The following SH3BGRL2 variants were observed in gnomAD, a reference collection of about 807,000 sequenced individuals.
The protein encoded by SH3BGRL2 is SH3 domain binding glutamate rich protein like 2.
In SH3BGRL2, 21 loss-of-function variants were observed where a neutral mutation model predicts 14.8. That is an observed-to-expected ratio of 1.42 (90% CI 1.01 to 2.05). The LOEUF is 2.05. SH3BGRL2 is among the 30% of genes most tolerant of loss of function. The pLI, the probability that SH3BGRL2 is intolerant of heterozygous loss-of-function variation, is 0.00. For synonymous variants in SH3BGRL2, 50 were observed against 47.8 expected, an observed-to-expected ratio of 1.05 and a Z score of -0.19; for missense variants, 147 against 130.8, an observed-to-expected ratio of 1.12 and a Z score of -0.61.
intron 1 of SH3BGRL2, among the ~76,000 whole-genome samples, chr6:79,652,052 C>G (rs912921134): frequency 2.0e-5 from 3 of 152,168 alleles, no homozygotes; most frequent in Admixed American, 2.0e-4. Context: ...AAATGTCCCC[C>G]AGGAGGGCAA....
Position 79,673,708 on chromosome 6 carries a change from A to C in SH3BGRL2, c.140A>C (p.Gln47Pro). The stretch of plus-strand genomic sequence containing the variant: ...ATCACAATGTCAGAAGAACAGAGGC[A>C]ATGGATGTACAAAAACGTCCCCCCG... Reference protein sequence around the residue: ...VDITMSEEQRQWMYKNVPPEK... With the variant: ...VDITMSEEQRPWMYKNVPPEK... The change falls in exon 2 of 4, where the codon CAA becomes CCA. Residue 47 changes from glutamine (Q) to proline (P), a missense_variant. Gln to Pro is a moderately conservative substitution (Grantham distance 76). Coordinates refer to ENST00000369838, the MANE Select transcript of SH3BGRL2 (RefSeq NM_031469.4). 3 of 1,614,192 alleles carry C rather than the reference A, an allele frequency of 1.9e-6. No individual in the cohort carries two copies. In the South Asian group the frequency reaches 3.3e-5, roughly 18 times the overall value.
rs1769978801 is a variant in SH3BGRL2 at position 79,681,057 on chromosome 6, A to AT, written c.231+7258_231+7259insT. Among the ~76,000 whole-genome samples the AT allele has an allele frequency of 2.0e-5, 3 of 152,164 alleles. No individual in the cohort carries two copies. The South Asian group carries it at 6.2e-4, about 32-fold the overall frequency. On this transcript the variant is annotated intron_variant, in intron 2 of 3. Coordinates refer to ENST00000369838, the MANE Select transcript of SH3BGRL2 (RefSeq NM_031469.4). ...GTGGATTAACCCTCAAGGAGAAAAA[A>AT]CACAGTGGCTAATCAGATAGTCAAG...
chr6:79,662,855 T>C (rs1769581231), intron 1 of SH3BGRL2, among the ~76,000 whole-genome samples: 1 of 152,230 alleles, frequency 6.6e-6, no homozygotes, highest in African/African-American at 2.4e-5. Context: ...CTTTCTACTC[T>C]TTTTTGTCTA....
At chr6:79,623,478 C>G in the SH3BGRL2 span, among the ~76,000 whole-genome samples, 1 of 152,154 alleles carries the variant, frequency 6.6e-6, no homozygotes, top group African/African-American at 2.4e-5. Flanking sequence ...CAGTTTAAAT[C>G]TATTTCCATT....
At chr6:79,626,636 C>A (rs912530881), upstream of SH3BGRL2, among the ~76,000 whole-genome samples, 5 of 152,172 alleles carry the variant, frequency 3.3e-5, no homozygotes, top group African/African-American at 1.2e-4. Flanking sequence ...GAGAGAGAAA[C>A]CTGGATGCCC....
chr6:79,649,981 T>TCACA (rs750538104), intron 1 of SH3BGRL2, among the ~76,000 whole-genome samples: 86 of 91,868 alleles, frequency 9.4e-4, no homozygotes, highest in South Asian at 1.5e-3. Context: ...TCTCTCTCTC[T>TCACA]CTCTCACACA....
chr6:79,662,644 G>A (rs1769576128), intron 1 of SH3BGRL2, among the ~76,000 whole-genome samples: 1 of 152,098 alleles, frequency 6.6e-6, no homozygotes, highest in Non-Finnish European at 1.5e-5. Context: ...CTCTTCTCGG[G>A]AGTATCTTTG....
chr6:79,643,978 G>C (rs1769080578), intron 1 of SH3BGRL2, among the ~76,000 whole-genome samples: 1 of 152,170 alleles, frequency 6.6e-6, no homozygotes, highest in South Asian at 2.1e-4. Flanking sequence ...TTCGATGGGA[G>C]GGCAATAGGT....
intron 3 of SH3BGRL2, among the ~76,000 whole-genome samples, chr6:79,698,387 CAG>C (rs1770375723): frequency 6.6e-6 from 1 of 152,198 alleles, no homozygotes; most frequent in East Asian, 1.9e-4. Context: ...AAGGCTTTGA[CAG>C]AGTGTTCACA....
rs538720282 is a variant in SH3BGRL2, at chr6:79,671,304, T to C, written c.46-2310T>C. On this transcript the variant is annotated intron_variant, in intron 1 of 3. Coordinates refer to ENST00000369838, the MANE Select transcript of SH3BGRL2 (RefSeq NM_031469.4). Reference sequence around the variant, plus strand: ...CAACGTGGAGAAACCCCATCTCTACTGAAAATACAAAAATTAGCCAGGCGT... The same window carrying C: ...CAACGTGGAGAAACCCCATCTCTACCGAAAATACAAAAATTAGCCAGGCGT... 4.1e-4 allele frequency among the ~76,000 whole-genome samples: 62 copies of C among 152,162 alleles called. 1 individual carries two copies. Among genetic ancestry groups the C allele is most frequent in the Admixed American group, 3.3e-3 (51 of 15,256 alleles).
the SH3BGRL2 span, among the ~76,000 whole-genome samples, chr6:79,549,041 G>A: frequency 6.6e-6 from 1 of 152,176 alleles, no homozygotes; most frequent in African/African-American, 2.4e-5. Flanking sequence ...TATTCGTAGT[G>A]TCACCAATGG....
intron 2 of SH3BGRL2, among the ~76,000 whole-genome samples, chr6:79,694,232 A>G (rs1770284991): frequency 6.6e-6 from 1 of 152,212 alleles, no homozygotes. Flanking sequence ...GAGAACAGGT[A>G]TACTAAGTTA....
chr6:79,627,326 G>C (rs1768753024), upstream of SH3BGRL2, among the ~76,000 whole-genome samples: 1 of 152,152 alleles, frequency 6.6e-6, no homozygotes, highest in Non-Finnish European at 1.5e-5. Flanking sequence ...GTCATGCCGG[G>C]GGAAGAACAC....
the SH3BGRL2 span, among the ~76,000 whole-genome samples, chr6:79,591,793 A>T: frequency 1.3e-5 from 2 of 152,220 alleles, no homozygotes; most frequent in Admixed American, 6.5e-5. Context: ...ACTCCACTTT[A>T]TCCAAGAGCT....
At chr6:79,559,628 C>T in the SH3BGRL2 span, among the ~76,000 whole-genome samples, 4 of 152,142 alleles carry the variant, frequency 2.6e-5, no homozygotes, top group African/African-American at 7.2e-5. Flanking sequence ...CTATACAGGA[C>T]ATGATTGAGC....
At chr6:79,623,376 G>T in the SH3BGRL2 span, among the ~76,000 whole-genome samples, 2 of 152,076 alleles carry the variant, frequency 1.3e-5, no homozygotes, top group Non-Finnish European at 2.9e-5. Flanking sequence ...GTCAGTGAGT[G>T]CTTTGTTTCG....
At chr6:79,609,171 A>C in the SH3BGRL2 span, among the ~76,000 whole-genome samples, 1 of 152,170 alleles carries the variant, frequency 6.6e-6, no homozygotes. Flanking sequence ...CTCCTTTTAC[A>C]TGCATGACAT....
intron 1 of SH3BGRL2, among the ~76,000 whole-genome samples, chr6:79,669,278 T>G (rs1769723383): frequency 1.3e-5 from 2 of 152,070 alleles, no homozygotes; most frequent in South Asian, 4.2e-4. Flanking sequence ...AGAGGGCTCT[T>G]TGAAGAGGTG....
the SH3BGRL2 span, among the ~76,000 whole-genome samples, chr6:79,601,304 T>C: frequency 6.6e-6 from 1 of 152,300 alleles, no homozygotes; most frequent in African/African-American, 2.4e-5. Context: ...TCCTCCTGCC[T>C]CAGCCTCCCA....
Sources: allele counts gnomAD v4.1 joint callset (sites outside exome capture counted in the v4.1 genomes callset), GRCh38; gene constraint gnomAD v4.1.1; transcripts MANE v1.5; gene names NCBI Gene and HGNC (gene_info 2026-07-23, HGNC 2026-07-21).